The following MED30 variants were observed in gnomAD, a reference collection of about 807,000 sequenced individuals.
MED30 encodes mediator of RNA polymerase II transcription subunit 30.
MED30 carries 8 observed loss-of-function variants against 21.7 expected under a neutral mutation model. The observed-to-expected ratio is 0.37, with a 90% CI of 0.22 to 0.67. MED30 has a LOEUF of 0.67. Among genes scored for constraint, MED30 ranks in the 30% least tolerant of loss-of-function variants. The pLI, the probability that MED30 is intolerant of heterozygous loss-of-function variation, is 0.58. For synonymous variants in MED30, 79 were observed against 86.7 expected (o/e 0.91, Z 0.49); for missense variants, 203 against 228.2 (o/e 0.89, Z 0.71).
intron 1 of MED30, among the ~76,000 whole-genome samples, chr8:117,528,152 A>G (rs1481157263): frequency 6.6e-6 from 1 of 151,820 alleles, no homozygotes; most frequent in Admixed American, 6.6e-5. Context: ...TTATATTTTA[A>G]TGTATGCCTT....
chr8:117,525,095 A>C lies in MED30; in HGVS notation c.178-3556A>C, dbSNP rs117529036. Among the ~76,000 whole-genome samples the C allele has an allele frequency of 3.9e-5, 6 of 152,260 alleles. No individual in the cohort carries two copies. In the East Asian group the frequency reaches 1.2e-3, roughly 29 times the overall value. On this transcript the variant is annotated intron_variant, in intron 1 of 3. Transcript: ENST00000297347. ...GTCGGATACGTTTTTAGAAATAGCT[A>C]TGTGCTTTTGTAATTAGATACATTT... is the stretch of plus-strand genomic sequence containing the variant.
chr8:117,528,577 T>G (rs1818752594), intron 1 of MED30, 74 bp from the exon 2 acceptor site: 15 of 1,361,614 alleles, frequency 1.1e-5, no homozygotes, highest in Non-Finnish European at 1.5e-5. Flanking sequence ...TTTCTGTTTG[T>G]TGGCTTTACT....
chr8:117,531,480 T>C (rs1228377729), intron 3 of MED30, among the ~76,000 whole-genome samples: 1 of 152,000 alleles, frequency 6.6e-6, no homozygotes, highest in African/African-American at 2.4e-5. Flanking sequence ...TTAATTCTAA[T>C]TAATAGAACT....
chr8:117,534,860 T>G (rs1445925904), intron 3 of MED30, among the ~76,000 whole-genome samples: 1 of 149,916 alleles, frequency 6.7e-6, no homozygotes, highest in African/African-American at 2.5e-5. Flanking sequence ...GTTTTTTTTT[T>G]TTTTTTTTAC....
At position 117,533,852 on chromosome 8, in the gene MED30, A is replaced by C. The variant is rs368638123; in HGVS notation, c.441+3025A>C. Among the ~76,000 whole-genome samples, 110 of 152,190 alleles carry C rather than the reference A, an allele frequency of 7.2e-4. 1 individual carries two copies. In the East Asian group the frequency reaches 0.018, roughly 25 times the overall value. On this transcript the variant is annotated intron_variant, in intron 3 of 3. Coordinates refer to ENST00000297347, the MANE Select transcript of MED30 (RefSeq NM_080651.4). ...GTTGGTTTCACTATTTCTTCAGCTCATGTCTTCCCTTTTCTTGGTTTTCTT... is the reference window on the plus strand; with the variant it reads ...GTTGGTTTCACTATTTCTTCAGCTCCTGTCTTCCCTTTTCTTGGTTTTCTT...
intron 1 of MED30, chr8:117,523,139 C>CA (rs537254316): frequency 4.2e-4 from 251 of 599,280 alleles, no homozygotes; most frequent in Non-Finnish European, 6.5e-4. Context: ...TAAACTTTTT[C>CA]AAAAAAAGTA....
intron 2 of MED30, 133 bp from the exon 3 acceptor site, chr8:117,530,590 A>G (rs1022161143): frequency 3.4e-5 from 20 of 596,888 alleles, no homozygotes; most frequent in Non-Finnish European, 5.1e-5. Context: ...ATTTCAGGCC[A>G]TCACCTGAAT....
chr8:117,523,292 C>G (rs764850647), intron 1 of MED30: 36 of 1,299,996 alleles, frequency 2.8e-5, no homozygotes, highest in Non-Finnish European at 3.7e-5. Flanking sequence ...TGTCCACGAC[C>G]AAATCCGCCT....
chr8:117,524,280 G>T (rs1818686601), intron 1 of MED30, among the ~76,000 whole-genome samples: 1 of 152,034 alleles, frequency 6.6e-6, no homozygotes, highest in African/African-American at 2.4e-5. Flanking sequence ...CTAGTGATTT[G>T]TTAATACATT....
At chr8:117,529,370 A>G (rs1158380485) in intron 2 of MED30, among the ~76,000 whole-genome samples, 1 of 151,914 alleles carries the variant, frequency 6.6e-6, no homozygotes, top group Non-Finnish European at 1.5e-5. Context: ...CTGGTAAGAG[A>G]TGACCAGAGA....
rs1477776186 is a variant in MED30, at chr8:117,540,223, T to G, written c.*245T>G. Reference sequence around the variant, plus strand: ...TTAATCTTCATGAATTGAATAATTGTTTTTTTAAAGCAAAATAAAGTTTTT... The same window carrying G: ...TTAATCTTCATGAATTGAATAATTGGTTTTTTAAAGCAAAATAAAGTTTTT... On this transcript the variant is annotated 3_prime_UTR_variant, in exon 4 of 4. Coordinates refer to ENST00000297347, the MANE Select transcript of MED30 (RefSeq NM_080651.4). The G allele has an allele frequency of 2.5e-5, 6 of 242,582 alleles. No individual in the cohort carries two copies. The highest frequency in any genetic ancestry group is 4.7e-5 in the Non-Finnish European group (6 of 128,742). 15.0% of individuals were successfully genotyped at this position (242,582 alleles called of 1,614,324 possible).
intron 1 of MED30, chr8:117,523,999 A>AC: frequency 4.9e-6 from 1 of 202,550 alleles, no homozygotes; most frequent in East Asian, 1.1e-4. Flanking sequence ...ACAGAGCGAG[A>AC]CTCTGTCTCA....
chr8:117,523,542 A>G, intron 1 of MED30: 4 of 1,600,788 alleles, frequency 2.5e-6, no homozygotes, highest in Non-Finnish European at 3.4e-6. Flanking sequence ...GGATACCCTC[A>G]TTGGTAAGGT....
At chr8:117,524,503 T>G (rs443877) in intron 1 of MED30, among the ~76,000 whole-genome samples, 18 of 152,164 alleles carry the variant, frequency 1.2e-4, no homozygotes, top group African/African-American at 4.3e-4. Flanking sequence ...ATTTCAGGGG[T>G]TAAAGGAAGA....
In MED30 at chr8:117,530,754, C is replaced by T. The variant is rs751432294; in HGVS notation, c.368C>T (p.Ser123Leu). The change falls in exon 3 of 4, where the codon TCA (serine) becomes TTA (leucine). Residue 123 changes from serine to leucine, a missense_variant. Transcript: ENST00000297347. ...QLIPYVEEDGSKNDDRAGPPR... is the reference protein window; with the variant it reads ...QLIPYVEEDGLKNDDRAGPPR... ...ATTCCATATGTGGAAGAAGATGGCT[C>T]AAAGAATGATGATCGGGCTGGCCCA... 1.1e-5 allele frequency: 18 copies of T among 1,612,062 alleles called. No individual in the cohort carries two copies. The highest frequency in any genetic ancestry group is 5.0e-5 in the Admixed American group (3 of 59,798).
chr8:117,526,444 T>G (rs7834235), intron 1 of MED30, among the ~76,000 whole-genome samples: 38,395 of 151,956 alleles, frequency 0.25, 5,222 homozygotes, highest in Middle Eastern at 0.37. Flanking sequence ...CTGAAATAAA[T>G]GTATGTTGTC....
In MED30 at chr8:117,528,902, A is replaced by G. The variant is rs1325190500; in HGVS notation, c.336+93A>G. 1.1e-5 allele frequency: 12 copies of G among 1,089,664 alleles called. No homozygotes were observed. In the Admixed American group the frequency reaches 2.8e-4, roughly 26 times the overall value. 67.5% of individuals were successfully genotyped at this position (1,089,664 alleles called of 1,614,324 possible). On this transcript the variant is annotated intron_variant, in intron 2 of 3. Transcript: ENST00000297347. ...TTTTCCTCTCTCTCCTGTTTTAGCAATATTTCCAGGTTTCGAATTTTATTG... is the reference window on the plus strand; with the variant it reads ...TTTTCCTCTCTCTCCTGTTTTAGCAGTATTTCCAGGTTTCGAATTTTATTG...
intron 3 of MED30, 52 bp downstream of exon 3, chr8:117,530,879 C>G: frequency 7.9e-7 from 1 of 1,273,052 alleles, no homozygotes; most frequent in South Asian, 1.3e-5. Context: ...ATAAAAATTA[C>G]TAGGGAGTCT....
chr8:117,528,181 A>G (rs1232499206), intron 1 of MED30, among the ~76,000 whole-genome samples: 1 of 151,834 alleles, frequency 6.6e-6, no homozygotes, highest in Admixed American at 6.6e-5. Flanking sequence ...TAATTATCTT[A>G]TCAGAGTTAA....
Sources: gnomAD v4.1 joint callset for allele counts (sites outside exome capture counted in the v4.1 genomes callset) on GRCh38, gnomAD v4.1.1 for gene constraint, MANE v1.5 for transcripts, NCBI Gene and HGNC (gene_info 2026-07-23, HGNC 2026-07-21) for gene names.